The following RAPGEF4 variants were observed in gnomAD, a reference collection of about 807,000 sequenced individuals.
The protein encoded by RAPGEF4 is RAP guanine-nucleotide-exchange factor (GEF) 4.
RAPGEF4 carries 66 observed loss-of-function variants against 147.9 expected under a neutral mutation model. That is an observed-to-expected ratio of 0.45 (90% CI 0.37 to 0.55). RAPGEF4 has a LOEUF of 0.55. Ranked by LOEUF, RAPGEF4 falls within the 20% of genes least tolerant of loss-of-function variation. The pLI, the probability that RAPGEF4 is intolerant of heterozygous loss-of-function variation, is 0.00. For missense variants in RAPGEF4, 1,071 were observed against 1,257.3 expected, an observed-to-expected ratio of 0.85 and a Z score of 2.24; for synonymous variants, 419 against 442.7, an observed-to-expected ratio of 0.95 and a Z score of 0.67.
chr2:172,925,787 G>GAGAGAGAAAGAAAGAA (rs1685248201), intron 6 of RAPGEF4, among the ~76,000 whole-genome samples: 2 of 145,796 alleles, frequency 1.4e-5, no homozygotes, highest in Admixed American at 7.0e-5. Context: ...AAGAGAGAGA[G>GAGAGAGAAAGAAAGAA]AGAGAGAGAG....
At chr2:172,785,374 T>C (rs1329755277) in intron 1 of RAPGEF4, among the ~76,000 whole-genome samples, 1 of 152,232 alleles carries the variant, frequency 6.6e-6, no homozygotes, top group Non-Finnish European at 1.5e-5. Flanking sequence ...TTTCTTGAGA[T>C]ACTTTTTAAA....
intron 9 of RAPGEF4, 151 bp from the exon 10 acceptor site, chr2:172,967,110 C>T: frequency 1.4e-6 from 1 of 699,104 alleles, no homozygotes; most frequent in Middle Eastern, 4.1e-4. Flanking sequence ...TCCAGCTGCA[C>T]AGTCTGGGCA....
At chr2:172,930,386 C>T (rs1241505777) in intron 6 of RAPGEF4, among the ~76,000 whole-genome samples, 1 of 152,174 alleles carries the variant, frequency 6.6e-6, no homozygotes, top group Non-Finnish European at 1.5e-5. Flanking sequence ...CCCTATTTTA[C>T]TTCTCAAAAT....
intron 6 of RAPGEF4, among the ~76,000 whole-genome samples, chr2:172,955,069 A>G (rs961034521): frequency 3.3e-5 from 5 of 152,136 alleles, no homozygotes; most frequent in East Asian, 1.9e-4. Flanking sequence ...TTGTGTCCCA[A>G]TCTTGCTTGT....
At chr2:172,950,180 G>A (rs1326150999) in intron 6 of RAPGEF4, among the ~76,000 whole-genome samples, 2 of 152,102 alleles carry the variant, frequency 1.3e-5, no homozygotes, top group Non-Finnish European at 2.9e-5. Flanking sequence ...CACAATTAAA[G>A]CCCAAGCTTG....
At chr2:173,038,659 G>A (rs1425771918) in intron 29 of RAPGEF4, among the ~76,000 whole-genome samples, 2 of 152,148 alleles carry the variant, frequency 1.3e-5, no homozygotes, top group Middle Eastern at 3.4e-3. Flanking sequence ...AACCTAGACG[G>A]GTTGATAGGT....
At chr2:172,996,289 T>C (rs1693354433) in intron 15 of RAPGEF4, among the ~76,000 whole-genome samples, 177 bp from the exon 16 acceptor site, 1 of 152,128 alleles carries the variant, frequency 6.6e-6, no homozygotes, top group Admixed American at 6.5e-5. Flanking sequence ...GGGTTTTCTG[T>C]TTGTTTGTTT....
In RAPGEF4 at chr2:173,030,294, G is replaced by A. The variant is rs745343442; in HGVS notation, c.2649+40G>A. On this transcript the variant is annotated intron_variant, in intron 26 of 30. Coordinates refer to ENST00000397081, the MANE Select transcript of RAPGEF4 (RefSeq NM_007023.4). ...GGATCCAGCTGTGACTTTTGCCTTA[G>A]GAATAAAAACACAGGCTCACCAGTG... 11 of 1,502,170 alleles carry A rather than the reference G, an allele frequency of 7.3e-6. No homozygotes were observed. In the South Asian group the frequency reaches 1.2e-4, roughly 17 times the overall value. The allele number at this position is 1,502,170 out of a possible 1,614,324, so 93.1% of individuals were successfully genotyped here.
intron 4 of RAPGEF4, among the ~76,000 whole-genome samples, chr2:172,838,681 A>T (rs1691238450): frequency 6.6e-6 from 1 of 152,094 alleles, no homozygotes; most frequent in African/African-American, 2.4e-5. Flanking sequence ...ACTTTGTATA[A>T]ATGTTTTTGG....
chr2:172,848,057 A>G (rs1473825380), intron 4 of RAPGEF4, among the ~76,000 whole-genome samples: 2 of 152,184 alleles, frequency 1.3e-5, no homozygotes, highest in African/African-American at 4.8e-5. Flanking sequence ...CCTTTTCATA[A>G]TGGAAGACAA....
chr2:173,034,992 A>T (rs1401608358), intron 27 of RAPGEF4, among the ~76,000 whole-genome samples: 1 of 151,896 alleles, frequency 6.6e-6, no homozygotes, highest in African/African-American at 2.4e-5. Flanking sequence ...GCCTTGAATA[A>T]CTCAGGGGTT....
intron 6 of RAPGEF4, 88 bp from the exon 7 acceptor site, chr2:172,960,672 T>C: frequency 1.2e-6 from 1 of 866,076 alleles, no homozygotes; most frequent in Non-Finnish European, 1.7e-6. Flanking sequence ...TTATAAAAAA[T>C]GGATGTTTCT....
chr2:172,975,294 A>G (rs1690952468), intron 10 of RAPGEF4, among the ~76,000 whole-genome samples: 2 of 152,220 alleles, frequency 1.3e-5, no homozygotes, highest in South Asian at 4.1e-4. Flanking sequence ...AGCCAGAACC[A>G]CAAACAAAAC....
intron 10 of RAPGEF4, among the ~76,000 whole-genome samples, chr2:172,982,101 G>A (rs1167582345): frequency 1.3e-5 from 2 of 152,174 alleles, no homozygotes; most frequent in African/African-American, 4.8e-5. Context: ...CACATGGCTG[G>A]TGAGTGGTTG....
chr2:172,888,237 A>G (rs776947071), intron 4 of RAPGEF4, among the ~76,000 whole-genome samples: 4 of 152,196 alleles, frequency 2.6e-5, no homozygotes, highest in African/African-American at 7.2e-5. Flanking sequence ...TTTAGGAATT[A>G]TTTTTGTTCT....
chr2:172,821,613 C>T (rs1403533636), intron 4 of RAPGEF4: 15 of 1,002,698 alleles, frequency 1.5e-5, no homozygotes, highest in Non-Finnish European at 1.8e-5. Flanking sequence ...AAGCCTGCTT[C>T]GATGACTTGG....
chr2:172,825,845 A>T (rs114896936), intron 4 of RAPGEF4, among the ~76,000 whole-genome samples: 2,087 of 152,370 alleles, frequency 0.014, 49 homozygotes, highest in African/African-American at 0.048. Context: ...TGATGTAAGT[A>T]ATAATGTGTT....
At chr2:173,041,873 G>C (rs1684805917) in intron 29 of RAPGEF4, among the ~76,000 whole-genome samples, 1 of 151,938 alleles carries the variant, frequency 6.6e-6, no homozygotes, top group Non-Finnish European at 1.5e-5. Context: ...CGTCAGTCAG[G>C]CCTCAGCTCA....
chr2:172,735,704 C>A (rs886613752), upstream of RAPGEF4: 1 of 159,006 alleles, frequency 6.3e-6, no homozygotes, highest in Non-Finnish European at 1.4e-5. Flanking sequence ...GTCCCCACCC[C>A]GGGGCGGAAT....
Sources: allele counts gnomAD v4.1 joint callset (sites outside exome capture counted in the v4.1 genomes callset), GRCh38; gene constraint gnomAD v4.1.1; transcripts MANE v1.5; gene names NCBI Gene and HGNC (gene_info 2026-07-23, HGNC 2026-07-21).